ADGB: variants seen among roughly 807,000 people sequenced by gnomAD.
The protein encoded by ADGB is calpain-7-like protein.
ADGB carries 172 observed loss-of-function variants against 210.5 expected under a neutral mutation model. The observed-to-expected ratio is 0.82, with a 90% confidence interval of 0.72 to 0.93. The LOEUF (loss-of-function observed/expected upper bound fraction) is 0.93, where lower values mean the gene tolerates loss of function less well. Among genes scored for constraint, ADGB ranks in the 40% least tolerant of loss-of-function variants. The pLI is 0.00. For missense variants in ADGB, 2,025 were observed against 1,964.8 expected, an observed-to-expected ratio of 1.03 and a Z score of -0.58; for synonymous variants, 658 against 662.7, an observed-to-expected ratio of 0.99 and a Z score of 0.11.
chr6:146,680,697 G>A (rs755217498), intron 9 of ADGB, among the ~76,000 whole-genome samples: 13 of 152,130 alleles, frequency 8.5e-5, no homozygotes, highest in Non-Finnish European at 1.9e-4. Flanking sequence ...GCTATTCTAG[G>A]CAGTGTTAAG....
At chr6:146,785,114 A>C (rs1402480256) in intron 31 of ADGB, among the ~76,000 whole-genome samples, 1 of 152,150 alleles carries the variant, frequency 6.6e-6, no homozygotes, top group Non-Finnish European at 1.5e-5. Context: ...GTAAGAAAGC[A>C]TTCAAATGTT....
intron 5 of ADGB, among the ~76,000 whole-genome samples, chr6:146,661,223 T>TC (rs201337192): frequency 2.8e-5 from 2 of 71,008 alleles, no homozygotes; most frequent in African/African-American, 5.6e-5. Flanking sequence ...TTTTTTTCTT[T>TC]TTTTTTTTTT....
chr6:146,605,372 G>A (rs963343198), intron 1 of ADGB, among the ~76,000 whole-genome samples: 15 of 152,222 alleles, frequency 9.9e-5, no homozygotes, highest in African/African-American at 3.4e-4. Context: ...CCAGCCTCCA[G>A]TTGCAGTTTT....
chr6:146,618,796 A>G (rs370414501), intron 1 of ADGB, among the ~76,000 whole-genome samples: 1 of 150,696 alleles, frequency 6.6e-6, no homozygotes, highest in East Asian at 2.0e-4. Flanking sequence ...AGAATGTTTC[A>G]TGTGCTGTTG....
intron 13 of ADGB, among the ~76,000 whole-genome samples, chr6:146,712,518 G>C (rs574378784): frequency 1.2e-3 from 184 of 151,874 alleles, no homozygotes; most frequent in African/African-American, 4.3e-3. Context: ...GTTTTGTTTT[G>C]TTTTTACATG....
chr6:146,626,214 T>C (rs1027634875), intron 1 of ADGB, among the ~76,000 whole-genome samples: 3 of 152,058 alleles, frequency 2.0e-5, no homozygotes, highest in African/African-American at 7.2e-5. Flanking sequence ...CCAAGCACTA[T>C]GCTATTATCA....
At chr6:146,763,113 C>A (rs188513954) in intron 27 of ADGB, among the ~76,000 whole-genome samples, 21 of 152,300 alleles carry the variant, frequency 1.4e-4, no homozygotes, top group African/African-American at 4.6e-4. Context: ...TTGGGCTGTA[C>A]TTCCCTGTAT....
intron 15 of ADGB, 77 bp downstream of exon 15, chr6:146,717,146 T>G (rs1304417314): frequency 1.3e-5 from 16 of 1,211,744 alleles, no homozygotes; most frequent in Non-Finnish European, 1.5e-5. Context: ...CAAAGTCACA[T>G]TAAGATTTAT....
At chr6:146,648,010 A>G (rs1444015922) in intron 3 of ADGB, among the ~76,000 whole-genome samples, 3 of 152,098 alleles carry the variant, frequency 2.0e-5, no homozygotes, top group Admixed American at 2.0e-4. Context: ...CCCTTTATGA[A>G]CATTGTCACA....
intron 4 of ADGB, 117 bp downstream of exon 4, chr6:146,654,323 TA>T (rs1226291645): frequency 1.3e-4 from 23 of 175,790 alleles, no homozygotes; most frequent in African/African-American, 1.1e-3. Flanking sequence ...TTTGGTATTA[TA>T]TATATATATA....
At chr6:146,782,483 T>C (rs1777816014) in intron 30 of ADGB, among the ~76,000 whole-genome samples, 1 of 152,194 alleles carries the variant, frequency 6.6e-6, no homozygotes, top group African/African-American at 2.4e-5. Context: ...CACAGTCTAA[T>C]AATGGAGGAG....
intron 2 of ADGB, among the ~76,000 whole-genome samples, chr6:146,642,698 G>A (rs1775536082): frequency 6.6e-6 from 1 of 151,890 alleles, no homozygotes. Context: ...TTCTAAGTGG[G>A]AGCTAAATCA....
intron 19 of ADGB, among the ~76,000 whole-genome samples, chr6:146,728,079 C>T (rs938085481): frequency 6.6e-5 from 10 of 152,344 alleles, no homozygotes; most frequent in Middle Eastern, 3.4e-3. Flanking sequence ...CTCCAAACAC[C>T]TCACAGTTTT....
chr6:146,733,360 C>T, intron 21 of ADGB, 105 bp downstream of exon 21: 1 of 1,197,212 alleles, frequency 8.4e-7, no homozygotes, highest in South Asian at 2.0e-5. Context: ...TCTGTGTGGA[C>T]TGTCATGGAG....
intron 27 of ADGB, among the ~76,000 whole-genome samples, chr6:146,755,326 A>C (rs896231681): frequency 5.3e-5 from 8 of 152,012 alleles, no homozygotes; most frequent in Non-Finnish European, 1.0e-4. Flanking sequence ...CCCAAATCTC[A>C]TCTTGATTTA....
chr6:146,691,325 A>G, intron 11 of ADGB, 35 bp downstream of exon 11: 1 of 1,476,358 alleles, frequency 6.8e-7, no homozygotes, highest in Non-Finnish European at 9.0e-7. Context: ...CCTTCTAATT[A>G]ATGTATGAAA....
At chr6:146,752,305 A>C (rs1034444137) in intron 26 of ADGB, among the ~76,000 whole-genome samples, 1 of 151,878 alleles carries the variant, frequency 6.6e-6, no homozygotes, top group Non-Finnish European at 1.5e-5. Flanking sequence ...TCTCATGACA[A>C]CTCACTCACT....
intron 1 of ADGB, among the ~76,000 whole-genome samples, chr6:146,613,155 T>C (rs902710912): frequency 6.6e-6 from 1 of 152,218 alleles, no homozygotes; most frequent in Non-Finnish European, 1.5e-5. Context: ...AATCTTTGCA[T>C]TTACTCAAGC....
At chr6:146,751,089 C>T (rs555560876) in intron 26 of ADGB, among the ~76,000 whole-genome samples, 1 of 152,066 alleles carries the variant, frequency 6.6e-6, no homozygotes, top group Non-Finnish European at 1.5e-5. Flanking sequence ...AGGTATTAAG[C>T]TCAGCATGCA....
Sources: allele counts gnomAD v4.1 joint callset (sites outside exome capture counted in the v4.1 genomes callset), GRCh38; gene constraint gnomAD v4.1.1; transcripts MANE v1.5; gene names NCBI Gene and HGNC (gene_info 2026-07-23, HGNC 2026-07-21).